The following EXOC3L2 variants were observed in gnomAD, a reference collection of about 807,000 sequenced individuals.
EXOC3L2 encodes exocyst complex component 3 like 2, also known as exocyst complex component 3-like protein 2.
EXOC3L2 carries 17 observed loss-of-function variants against 44.4 expected under a neutral mutation model. The observed-to-expected ratio is 0.38, with a 90% CI of 0.26 to 0.57. The LOEUF is 0.57. Among genes scored for constraint, EXOC3L2 ranks in the 20% least tolerant of loss-of-function variants. EXOC3L2 has a pLI of 0.65. For synonymous variants in EXOC3L2, 256 were observed against 253.7 expected (o/e 1.01, Z -0.09); for missense variants, 541 against 588.4 (o/e 0.92, Z 0.83).
chr19:45,221,211 G>GTT (rs572032786), intron 8 of EXOC3L2, among the ~76,000 whole-genome samples: 3 of 114,302 alleles, frequency 2.6e-5, no homozygotes, highest in Non-Finnish European at 3.7e-5. Flanking sequence ...TTTTTTTGTG[G>GTT]TTTTTTTTTT....
In EXOC3L2 at chr19:45,231,885, G is replaced by A. The variant is rs531421726; in HGVS notation, c.1158-11C>T. 5.1e-6 allele frequency: 8 copies of A among 1,563,778 alleles called. No homozygotes were observed. In the East Asian group the frequency reaches 9.1e-5, roughly 18 times the overall value. ...AGCCCTAGGACCTCTCTGGGGATGG[G>A]GGTGAGAGAAAAGGAGGTCTGTGAA... On this transcript the variant is annotated splice_polypyrimidine_tract_variant and intron_variant, in intron 3 of 11. Transcript: ENST00000413988.
At chr19:45,214,910 C>T (rs1271185750) in intron 11 of EXOC3L2, among the ~76,000 whole-genome samples, 1 of 152,052 alleles carries the variant, frequency 6.6e-6, no homozygotes, top group Non-Finnish European at 1.5e-5. Context: ...AATCTCAGCA[C>T]TTTGGGAGGC....
At chr19:45,237,830 T>C (rs750408806) in intron 2 of EXOC3L2, among the ~76,000 whole-genome samples, 1 of 152,150 alleles carries the variant, frequency 6.6e-6, no homozygotes, top group African/African-American at 2.4e-5. Context: ...CCGAATCCCA[T>C]GTGAGTGGTG....
At chr19:45,219,440 T>G (rs1384660812) in intron 8 of EXOC3L2, among the ~76,000 whole-genome samples, 1 of 138,844 alleles carries the variant, frequency 7.2e-6, no homozygotes, top group Non-Finnish European at 1.6e-5. Context: ...CTTTAAGACA[T>G]ATTTTTAAAA....
At chr19:45,233,606 T>C (rs1308089015) in intron 3 of EXOC3L2, among the ~76,000 whole-genome samples, 3 of 152,116 alleles carry the variant, frequency 2.0e-5, no homozygotes, top group African/African-American at 4.8e-5. Flanking sequence ...CGTGCTGAGC[T>C]ACTAGGATTG....
intron 9 of EXOC3L2, 130 bp from the exon 10 acceptor site, chr19:45,217,813 G>A (rs1969853339): frequency 1.8e-6 from 2 of 1,119,162 alleles, no homozygotes; most frequent in East Asian, 3.1e-5. Context: ...CCCTTCCCGT[G>A]CCCACGCCCC....
At chr19:45,221,358 G>A (rs1158450104) in intron 8 of EXOC3L2, among the ~76,000 whole-genome samples, 1 of 150,828 alleles carries the variant, frequency 6.6e-6, no homozygotes, top group Non-Finnish European at 1.5e-5. Context: ...GCTGGGTTTT[G>A]TTTGTTTGTT....
chr19:45,224,642 CT>C (rs1969934982), intron 8 of EXOC3L2, 135 bp downstream of exon 8: 1 of 1,334,198 alleles, frequency 7.5e-7, no homozygotes, highest in African/African-American at 1.5e-5. Context: ...CAGGCATGGC[CT>C]TAACTGCCCC....
Position 45,217,627 on chromosome 19 carries a change from G to A in EXOC3L2, c.1899C>T (p.Leu633=). The A allele has an allele frequency of 6.8e-7, 1 of 1,479,458 alleles. No individual in the cohort carries two copies. The highest frequency in any genetic ancestry group is 1.8e-4 in the Middle Eastern group (1 of 5,692). 91.6% of individuals were successfully genotyped at this position (1,479,458 alleles called of 1,614,324 possible). The part of the protein sequence containing the change: ...RALVEYVRPL[L]RGRLRCSSAR... Reference sequence around the variant, plus strand: ...CCGAGCTGCAGCGCAGGCGCCCACGGAGCAGGGGCCGCACGTACTCGACCA... The same window carrying A: ...CCGAGCTGCAGCGCAGGCGCCCACGAAGCAGGGGCCGCACGTACTCGACCA... The change falls in exon 10 of 12, where the codon CTC becomes CTT. Residue 633 remains leucine, a synonymous_variant. Coordinates refer to ENST00000413988, the MANE Select transcript of EXOC3L2 (RefSeq NM_001382422.1).
At chr19:45,236,017 G>A (rs1970081003) in intron 2 of EXOC3L2, among the ~76,000 whole-genome samples, 1 of 151,972 alleles carries the variant, frequency 6.6e-6, no homozygotes, top group African/African-American at 2.4e-5. Flanking sequence ...GGGTGAAGGT[G>A]GGGGTTGGGA....
At chr19:45,237,124 G>A (rs1412925831) in intron 2 of EXOC3L2, among the ~76,000 whole-genome samples, 1 of 152,042 alleles carries the variant, frequency 6.6e-6, no homozygotes, top group Non-Finnish European at 1.5e-5. Flanking sequence ...GGTGGAAGGT[G>A]AACATGGGGA....
At chr19:45,224,357 C>G (rs1666725627) in intron 8 of EXOC3L2, among the ~76,000 whole-genome samples, 1 of 152,000 alleles carries the variant, frequency 6.6e-6, no homozygotes, top group African/African-American at 2.4e-5. Flanking sequence ...ATGGGTTGAG[C>G]TTGTGTTACG....
rs370054578 is a variant in EXOC3L2, at chr19:45,224,878, G to A, written c.1619C>T (p.Pro540Leu). 6.4e-7 allele frequency: 1 copy of A among 1,570,388 alleles called. No homozygotes were observed. The highest frequency in any genetic ancestry group is 1.4e-5 in the African/African-American group (1 of 73,506). The change falls in exon 8 of 12, where the codon CCA becomes CTA. Residue 540 changes from proline to leucine, a missense_variant. Transcript: ENST00000413988. ...TGCTTCCCGGGCCGGCTCGCTTTCTGGGGGCCCCACCCGGGCCAGGCGCTC... is the reference window on the plus strand; with the variant it reads ...TGCTTCCCGGGCCGGCTCGCTTTCTAGGGGCCCCACCCGGGCCAGGCGCTC... ...LAERLARVGPPESEPAREASA... is the reference protein window; with the variant it reads ...LAERLARVGPLESEPAREASA...
In EXOC3L2 at chr19:45,234,532, G is replaced by A; in HGVS notation, c.818C>T (p.Ala273Val). Residue 273 changes from alanine (A) to valine (V), a missense_variant, in exon 3 of 12, where the codon GCC (alanine) becomes GTC (valine). Transcript: ENST00000413988. This position sits in a 1 kb window ranked among gnomAD's most constrained non-coding sequence, Gnocchi z 5.0. ...CGCCCCGGGACCCCGACGCCCGTCG[G>A]CCGCCTCCTCCTGTACCAGCACCTG... ...LGQVLVQEEA[A>V]DGRRGPGAAR... The A allele has an allele frequency of 1.6e-5, 4 of 251,206 alleles. No homozygotes were observed. Among genetic ancestry groups the A allele is most frequent in the Middle Eastern group, 1.2e-3 (1 of 804 alleles). The allele number at this position is 251,206 out of a possible 1,614,324, so 15.6% of individuals were successfully genotyped here.
intron 11 of EXOC3L2, among the ~76,000 whole-genome samples, chr19:45,215,074 A>T (rs936026147): frequency 2.6e-5 from 4 of 152,062 alleles, no homozygotes; most frequent in African/African-American, 9.7e-5. Context: ...TGAACCCGGG[A>T]GGCAGAGGTT....
intron 7 of EXOC3L2, 87 bp downstream of exon 7, chr19:45,227,575 C>A: frequency 8.6e-7 from 1 of 1,165,592 alleles, no homozygotes. Flanking sequence ...TGAGTCAGTT[C>A]TGCAATCCCC....
At chr19:45,215,465 T>C (rs1429445404) in intron 11 of EXOC3L2, among the ~76,000 whole-genome samples, 1 of 151,560 alleles carries the variant, frequency 6.6e-6, no homozygotes, top group African/African-American at 2.4e-5. Context: ...AGTGAGACCC[T>C]GTCTCAAAAA....
In EXOC3L2 at chr19:45,238,753, C is replaced by G. The variant is rs11673000; in HGVS notation, c.293G>C (p.Arg98Pro). The G allele has an allele frequency of 0.22, 88,300 of 398,800 alleles. 11,022 individuals are homozygous for G. Among genetic ancestry groups the G allele is most frequent in the South Asian group, 0.29 (2,267 of 7,860 alleles). The allele number at this position is 398,800 out of a possible 1,614,324, so 24.7% of individuals were successfully genotyped here. A position where few individuals can be genotyped will look rare whatever the true frequency, so the allele number is the denominator to read the frequency against. ...GAGGCCAAAATCTGCTGAGCTCCTG[C>G]GTATCCCTGGTACCAGCACACGGCC... is the stretch of plus-strand genomic sequence containing the variant. ...FLGRVLVPGI[R>P]RSSADFGLLA... Residue 98 changes from arginine (R) to proline (P), a missense_variant, in exon 2 of 12, where the codon CGC becomes CCC. Arg to Pro is a moderately radical substitution (Grantham distance 103). Coordinates refer to ENST00000413988, the MANE Select transcript of EXOC3L2 (RefSeq NM_001382422.1). This position sits in a 1 kb window ranked among gnomAD's most constrained non-coding sequence, Gnocchi z 5.5.
At chr19:45,227,293 T>G (rs1278920592) in intron 7 of EXOC3L2, among the ~76,000 whole-genome samples, 1 of 149,460 alleles carries the variant, frequency 6.7e-6, no homozygotes, top group Non-Finnish European at 1.5e-5. Flanking sequence ...AATTTTTTTT[T>G]GTATTTTTTA....
Sources: gnomAD v4.1 joint callset for allele counts (sites outside exome capture counted in the v4.1 genomes callset) on GRCh38, gnomAD v4.1.1 for gene constraint, Gnocchi (gnomAD v3.1) non-coding constraint, MANE v1.5 for transcripts, NCBI Gene and HGNC (gene_info 2026-07-23, HGNC 2026-07-21) for gene names.